The following PCDH9 variants were observed in gnomAD, a reference collection of about 807,000 sequenced individuals.
PCDH9 encodes protocadherin-9.
A neutral mutation model predicts 70.6 loss-of-function variants in PCDH9; 24 were observed. That is an observed-to-expected ratio of 0.34 (90% CI 0.25 to 0.48). The LOEUF (loss-of-function observed/expected upper bound fraction) is 0.48. Ranked by LOEUF, PCDH9 falls within the 20% of genes least tolerant of loss-of-function variation. The probability of loss-of-function intolerance (pLI) is 0.99; values close to 1 mark genes in which losing one functional copy is unlikely to be tolerated. For synonymous variants in PCDH9, 562 were observed against 558.5 expected, an observed-to-expected ratio of 1.01 and a Z score of -0.09; for missense variants, 1,281 against 1,503.6, an observed-to-expected ratio of 0.85 and a Z score of 2.45.
At chr13:66,532,776 T>A (rs190720913) in intron 4 of PCDH9, among the ~76,000 whole-genome samples, 3 of 152,250 alleles carry the variant, frequency 2.0e-5, no homozygotes, top group African/African-American at 4.8e-5. Context: ...TTTATTTTTT[T>A]AATCACTTAC....
At chr13:66,917,324 A>G (rs2082572514) in intron 2 of PCDH9, among the ~76,000 whole-genome samples, 1 of 151,530 alleles carries the variant, frequency 6.6e-6, no homozygotes, top group Non-Finnish European at 1.5e-5. Context: ...CTGATGCAAG[A>G]TATTAAGGAC....
At chr13:66,631,049 A>C (rs1350174265) in intron 4 of PCDH9, among the ~76,000 whole-genome samples, 161 bp downstream of exon 4, 6 of 152,196 alleles carry the variant, frequency 3.9e-5, no homozygotes. Context: ...AATCATATCA[A>C]ACATATTAAA....
At chr13:66,490,426 T>C (rs1054531194) in intron 4 of PCDH9, among the ~76,000 whole-genome samples, 1 of 152,182 alleles carries the variant, frequency 6.6e-6, no homozygotes, top group Non-Finnish European at 1.5e-5. Flanking sequence ...CTCTTCTAAT[T>C]TGCTTTTTAA....
In PCDH9 at chr13:67,051,258, T is replaced by G. The variant is rs148208211; in HGVS notation, c.3037-147653A>C. 5.6e-3 allele frequency among the ~76,000 whole-genome samples: 858 copies of G among 152,166 alleles called. 7 individuals are homozygous for G. The highest frequency in any genetic ancestry group is 9.9e-3 in the Admixed American group (151 of 15,274). ...AAACACACTAATGAAAGGGAAGAAA[T>G]CATGAAGCTAGTTTGAAATTAGCGT... is the stretch of plus-strand genomic sequence containing the variant. On this transcript the variant is annotated intron_variant, in intron 2 of 4. Coordinates refer to ENST00000377865, the MANE Select transcript of PCDH9 (RefSeq NM_203487.3).
At chr13:66,562,435 T>TA (rs2076587160) in intron 4 of PCDH9, among the ~76,000 whole-genome samples, 2 of 151,884 alleles carry the variant, frequency 1.3e-5, no homozygotes, top group Admixed American at 6.6e-5. Flanking sequence ...GGTAATTTAT[T>TA]AAAAAAAAGA....
chr13:66,370,421 T>G (rs1956626222), intron 4 of PCDH9, among the ~76,000 whole-genome samples: 1 of 152,038 alleles, frequency 6.6e-6, no homozygotes, highest in Admixed American at 6.6e-5. Context: ...TTCAACTTCC[T>G]CCCTCATTAC....
chr13:66,709,613 C>A lies in PCDH9; in HGVS notation c.3139-78202G>T, dbSNP rs1158227486. Among the ~76,000 whole-genome samples the A allele has an allele frequency of 2.0e-5, 3 of 152,178 alleles. No homozygotes were observed. The East Asian group carries it at 5.8e-4, about 29-fold the overall frequency. On this transcript the variant is annotated intron_variant, in intron 3 of 4. Transcript: ENST00000377865. ...ACAAATAAGCAAACACCAAATCCGT[C>A]TTCTGGTGCCTGAAAATGTCACTGA...
chr13:67,218,943 G>A (rs1327389052), intron 2 of PCDH9: 8 of 151,908 alleles, frequency 5.3e-5, no homozygotes, highest in Non-Finnish European at 1.0e-4. Flanking sequence ...AAGATCAAGG[G>A]AAAATATTTT....
chr13:66,967,087 T>C (rs1369840057), intron 2 of PCDH9, among the ~76,000 whole-genome samples: 2 of 151,934 alleles, frequency 1.3e-5, no homozygotes, highest in African/African-American at 2.4e-5. Context: ...AACCTGAAAA[T>C]TGTGAAGTCA....
chr13:66,642,897 TTAAA>T (rs2138968790), intron 3 of PCDH9, among the ~76,000 whole-genome samples: 1 of 152,108 alleles, frequency 6.6e-6, no homozygotes, highest in East Asian at 1.9e-4. Flanking sequence ...TTTCTGTTCT[TTAAA>T]TAAAGATCAG....
At chr13:66,617,685 G>T (rs1356329860) in intron 4 of PCDH9, among the ~76,000 whole-genome samples, 5 of 152,064 alleles carry the variant, frequency 3.3e-5, no homozygotes, top group Admixed American at 2.0e-4. Flanking sequence ...CGGAATTTTT[G>T]ATCTGTCCTT....
chr13:66,697,335 A>G (rs2078577643), intron 3 of PCDH9, among the ~76,000 whole-genome samples: 2 of 152,106 alleles, frequency 1.3e-5, no homozygotes, highest in Non-Finnish European at 2.9e-5. Context: ...TCCACCTCTC[A>G]TATCAAAATT....
chr13:66,883,627 G>GC (rs1223060077), intron 3 of PCDH9, among the ~76,000 whole-genome samples: 1 of 152,050 alleles, frequency 6.6e-6, no homozygotes, highest in Non-Finnish European at 1.5e-5. Context: ...GTAATAAAAT[G>GC]CATTAGTTTA....
chr13:66,720,333 T>G (rs1277538729), intron 3 of PCDH9, among the ~76,000 whole-genome samples: 3 of 149,648 alleles, frequency 2.0e-5, no homozygotes, highest in Non-Finnish European at 4.5e-5. Context: ...TTTGTTTTTT[T>G]TTTTTTTTTG....
chr13:66,668,502 ATCCAAAC>A (rs1566493444), intron 3 of PCDH9, among the ~76,000 whole-genome samples: 2 of 152,178 alleles, frequency 1.3e-5, no homozygotes, highest in South Asian at 4.1e-4. Flanking sequence ...CATTAGTGTC[ATCCAAAC>A]TTCATTCATA....
intron 4 of PCDH9, among the ~76,000 whole-genome samples, chr13:66,549,631 AT>A (rs1961388260): frequency 6.6e-6 from 1 of 152,058 alleles, no homozygotes; most frequent in African/African-American, 2.4e-5. Flanking sequence ...AATCAGATTA[AT>A]TTTTTAAGAG....
chr13:66,989,875 A>G (rs2083967098), intron 2 of PCDH9, among the ~76,000 whole-genome samples: 1 of 151,846 alleles, frequency 6.6e-6, no homozygotes, highest in East Asian at 1.9e-4. Flanking sequence ...CAGCATTTTT[A>G]CCTGCACTGT....
chr13:66,798,299 A>C (rs2080275766), intron 3 of PCDH9, among the ~76,000 whole-genome samples: 1 of 152,156 alleles, frequency 6.6e-6, no homozygotes, highest in Non-Finnish European at 1.5e-5. Flanking sequence ...TTTGATTTAA[A>C]AATATCAACT....
At chr13:67,048,870 G>A (rs944109300) in intron 2 of PCDH9, among the ~76,000 whole-genome samples, 6 of 152,144 alleles carry the variant, frequency 3.9e-5, no homozygotes, top group Admixed American at 6.5e-5. Context: ...CTGTTATACC[G>A]GCAGGCAAAC....
Sources: allele counts gnomAD v4.1 joint callset (sites outside exome capture counted in the v4.1 genomes callset), GRCh38; gene constraint gnomAD v4.1.1; transcripts MANE v1.5; gene names NCBI Gene and HGNC (gene_info 2026-07-23, HGNC 2026-07-21).